Variants in DOCK8 observed in about 807,000 individuals in gnomAD.
DOCK8 encodes dedicator of cytokinesis protein 8.
Under a neutral mutation model 245.6 loss-of-function variants are expected in DOCK8, and 141 were observed. That is an observed-to-expected ratio of 0.57 (90% confidence interval 0.50 to 0.66). The LOEUF (loss-of-function observed/expected upper bound fraction) is 0.66. Among genes scored for constraint, DOCK8 ranks in the 30% least tolerant of loss-of-function variants. The pLI is 0.00. For missense variants in DOCK8, 2,965 were observed against 2,603.4 expected (o/e 1.14, Z -3.02); for synonymous variants, 1,168 against 970.2 (o/e 1.20, Z -3.79).
At chr9:355,102 AC>A (rs1488857684) in intron 14 of DOCK8, among the ~76,000 whole-genome samples, 3 of 151,970 alleles carry the variant, frequency 2.0e-5, no homozygotes, top group Non-Finnish European at 4.4e-5. Context: ...TAGGAGGGTG[AC>A]AGGGAGGGCA....
rs572653870 is a variant in DOCK8, at chr9:312,645, A to T, written c.741+479A>T. 38 of 358,244 alleles carry T rather than the reference A, an allele frequency of 1.1e-4. 1 individual carries two copies. Among genetic ancestry groups the T allele is most frequent in the South Asian group, 8.0e-4 (37 of 46,248 alleles). 22.2% of individuals were successfully genotyped at this position (358,244 alleles called of 1,614,324 possible). A position where few individuals can be genotyped will look rare whatever the true frequency, so the allele number is the denominator to read the frequency against. On this transcript the variant is annotated intron_variant, in intron 6 of 47. Transcript: ENST00000432829. ...AAACATTTCAGGCTAGGATAATCAC[A>T]GCCCATGCTCCCAATGTATAGAACT...
At chr9:375,467 C>T (rs1053750030) in intron 18 of DOCK8, among the ~76,000 whole-genome samples, 10 of 152,156 alleles carry the variant, frequency 6.6e-5, no homozygotes, top group Non-Finnish European at 1.0e-4. Context: ...AAAGTAATAT[C>T]GGGTACTCAA....
At chr9:242,602 G>A (rs2047400692) in intron 1 of DOCK8, among the ~76,000 whole-genome samples, 1 of 152,150 alleles carries the variant, frequency 6.6e-6, no homozygotes, top group Non-Finnish European at 1.5e-5. Flanking sequence ...ATTCTCCCAA[G>A]GATGCAGATA....
chr9:414,846 G>C lies in DOCK8; in HGVS notation c.3595G>C (p.Asp1199His). ...CAGCCTGCTAAGTTCTCACGACCTG[G>C]ACCCACGCTGTGTCAAACCAGAGGT... is the stretch of plus-strand genomic sequence containing the variant. ...IHSLLSSHDLDPRCVKPEVKV... is the reference protein window; with the variant it reads ...IHSLLSSHDLHPRCVKPEVKV... Residue 1199 changes from aspartate to histidine, a missense_variant, in exon 29 of 48, where the codon GAC becomes CAC. Physicochemically the swap from Asp to His is moderately conservative, Grantham distance 81 (BLOSUM62 -1). Coordinates refer to ENST00000432829, the MANE Select transcript of DOCK8 (RefSeq NM_203447.4). 1 of 1,614,200 alleles carries C rather than the reference G, an allele frequency of 6.2e-7. No homozygotes were observed.
intron 28 of DOCK8, among the ~76,000 whole-genome samples, chr9:410,212 C>T (rs1389509445): frequency 6.6e-6 from 1 of 152,080 alleles, no homozygotes; most frequent in Non-Finnish European, 1.5e-5. Context: ...ATTTGAGTAA[C>T]CACCAGTCAG....
intron 46 of DOCK8, 49 bp from the exon 47 acceptor site, chr9:463,468 A>G (rs952686926): frequency 1.2e-6 from 2 of 1,602,018 alleles, no homozygotes; most frequent in African/African-American, 1.3e-5. Flanking sequence ...TCAGATTTCT[A>G]AGCACTTCAA....
At chr9:350,129 A>G (rs1315288590) in intron 14 of DOCK8, among the ~76,000 whole-genome samples, 2 of 152,036 alleles carry the variant, frequency 1.3e-5, no homozygotes, top group Non-Finnish European at 2.9e-5. Context: ...TTCTTCTTTT[A>G]AGAGACAGGA....
At chr9:386,229 A>C (rs560437580) in intron 22 of DOCK8, 102 bp from the exon 23 acceptor site, 1 of 993,614 alleles carries the variant, frequency 1.0e-6, no homozygotes, top group East Asian at 2.7e-5. Context: ...ACCAGGAAAA[A>C]AAATATGTAT....
chr9:276,182 C>T (rs1295947690), intron 2 of DOCK8, among the ~76,000 whole-genome samples: 3 of 148,772 alleles, frequency 2.0e-5, no homozygotes, highest in South Asian at 2.1e-4. Flanking sequence ...TGAGCCACTG[C>T]GCTCGGCCCA....
At chr9:231,482 T>G (rs1003249593) in intron 1 of DOCK8, among the ~76,000 whole-genome samples, 49 of 152,202 alleles carry the variant, frequency 3.2e-4, no homozygotes, top group African/African-American at 1.1e-3. Flanking sequence ...ATCTCTAAAT[T>G]ACCTTGGGCA....
intron 27 of DOCK8, 72 bp from the exon 28 acceptor site, chr9:406,858 A>G (rs2055446794): frequency 3.1e-6 from 5 of 1,603,522 alleles, no homozygotes; most frequent in Admixed American, 1.7e-5. Context: ...GCGAGGACTC[A>G]GTAAACACTG....
At chr9:310,549 C>G (rs1563907625) in intron 5 of DOCK8, among the ~76,000 whole-genome samples, 1 of 152,304 alleles carries the variant, frequency 6.6e-6, no homozygotes, top group East Asian at 1.9e-4. Context: ...ACCTCCACCT[C>G]CCGGGTTCAA....
At chr9:384,351 A>G (rs2053856367) in intron 22 of DOCK8, among the ~76,000 whole-genome samples, 2 of 152,220 alleles carry the variant, frequency 1.3e-5, no homozygotes, top group South Asian at 2.1e-4. Flanking sequence ...TGGCCGAGCT[A>G]TTAGAGTAAT....
chr9:392,892 C>T (rs989048443), intron 24 of DOCK8, among the ~76,000 whole-genome samples: 4 of 151,718 alleles, frequency 2.6e-5, no homozygotes, highest in African/African-American at 7.3e-5. Context: ...TCATGTCTCT[C>T]CATAAAGAAG....
At chr9:382,729 AT>A in intron 22 of DOCK8, 44 bp downstream of exon 22, 1 of 1,606,080 alleles carries the variant, frequency 6.2e-7, no homozygotes, top group African/African-American at 1.3e-5. Context: ...AGGCTTTTTT[AT>A]TTTTTAACTA....
intron 28 of DOCK8, among the ~76,000 whole-genome samples, chr9:408,754 G>C (rs1033644677): frequency 5.9e-5 from 9 of 152,108 alleles, no homozygotes; most frequent in African/African-American, 2.2e-4. Context: ...ATGACATTCT[G>C]TTCTGGATTC....
intron 14 of DOCK8, among the ~76,000 whole-genome samples, chr9:344,012 C>T (rs1321125759): frequency 6.6e-6 from 1 of 152,196 alleles, no homozygotes; most frequent in African/African-American, 2.4e-5. Flanking sequence ...CAAAGGAGGA[C>T]AAGTCTGGAC....
intron 2 of DOCK8, among the ~76,000 whole-genome samples, chr9:278,616 A>G (rs1185293188): frequency 6.6e-6 from 1 of 152,226 alleles, no homozygotes; most frequent in Non-Finnish European, 1.5e-5. Context: ...ATCATCCGTG[A>G]AGGCCTCTAT....
chr9:214,972 G>T lies in DOCK8; in HGVS notation c.-5G>T. The T allele has an allele frequency of 6.2e-7, 1 of 1,601,666 alleles. No individual in the cohort carries two copies. Among genetic ancestry groups the T allele is most frequent in the Non-Finnish European group, 8.5e-7 (1 of 1,176,612 alleles). The stretch of plus-strand genomic sequence containing the variant: ...CCCTAGAAGCCACCGAACCGCCGGC[G>T]GGCCATGGCCACTCTGCCGAGCGCA... On this transcript the variant is annotated 5_prime_UTR_variant, in exon 1 of 48. Transcript: ENST00000432829.
Sources: allele counts gnomAD v4.1 joint callset (sites outside exome capture counted in the v4.1 genomes callset), GRCh38; gene constraint gnomAD v4.1.1; transcripts MANE v1.5; gene names NCBI Gene and HGNC (gene_info 2026-07-23, HGNC 2026-07-21).